Variants in NALF1 observed in about 807,000 individuals in gnomAD.
NALF1 encodes the protein NALCN channel auxiliary factor 1.
Under a neutral mutation model 48.4 loss-of-function variants are expected in NALF1, and 3 were observed. The observed-to-expected ratio is 0.06, with a 90% CI of 0.03 to 0.16. The LOEUF is 0.16. NALF1 is among the 10% of genes least tolerant of loss of function. The pLI, the probability that NALF1 is intolerant of heterozygous loss-of-function variation, is 1.00. For synonymous variants in NALF1, 262 were observed against 245.7 expected (o/e 1.07, Z -0.62); for missense variants, 526 against 571.5 (o/e 0.92, Z 0.81).
Position 107,260,644 on chromosome 13 carries a change from A to G in NALF1, c.916-49889T>C, listed in dbSNP as rs577583356. ...ATTGGCTTATTTAGGATAACTTAGC[A>G]GGTCATGAAAATGTTCCTTCTCTCC... On this transcript the variant is annotated intron_variant, in intron 1 of 2. Transcript: ENST00000375915. Among the ~76,000 whole-genome samples the G allele has an allele frequency of 2.6e-5, 4 of 152,314 alleles. No individual in the cohort carries two copies. In the East Asian group the frequency reaches 7.7e-4, roughly 29 times the overall value.
At chr13:107,269,066 G>A (rs1881101353) in intron 1 of NALF1, among the ~76,000 whole-genome samples, 1 of 151,922 alleles carries the variant, frequency 6.6e-6, no homozygotes, top group Admixed American at 6.6e-5. Context: ...GGGAGGCTGA[G>A]GTGGGAGGAT....
chr13:107,461,181 A>G (rs115365302), intron 1 of NALF1, among the ~76,000 whole-genome samples: 2,356 of 152,300 alleles, frequency 0.015, 59 homozygotes, highest in African/African-American at 0.053. Context: ...ATTTATCATT[A>G]AAAATTATAA....
intron 1 of NALF1, among the ~76,000 whole-genome samples, chr13:107,225,079 G>A (rs1273034133): frequency 6.6e-6 from 1 of 152,086 alleles, no homozygotes; most frequent in Non-Finnish European, 1.5e-5. Flanking sequence ...CACAATCTCG[G>A]CTCACTGCAA....
At chr13:107,537,356 A>T (rs1182394195) in intron 1 of NALF1, among the ~76,000 whole-genome samples, 2 of 152,174 alleles carry the variant, frequency 1.3e-5, no homozygotes, top group African/African-American at 4.8e-5. Context: ...GTAATATTTG[A>T]TTAATATTTA....
chr13:107,288,082 G>A (rs1201736792), intron 1 of NALF1, among the ~76,000 whole-genome samples: 1 of 151,740 alleles, frequency 6.6e-6, no homozygotes, highest in Non-Finnish European at 1.5e-5. Flanking sequence ...CCTTATTTTA[G>A]TTATTAAAAA....
intron 1 of NALF1, among the ~76,000 whole-genome samples, chr13:107,438,110 A>T (rs564673813): frequency 2.3e-4 from 35 of 152,346 alleles, no homozygotes; most frequent in African/African-American, 8.4e-4. Flanking sequence ...TTTAAAAATT[A>T]TAAACCTTGA....
Position 107,866,618 on chromosome 13 carries a change from G to GGCC in NALF1, c.-25_-23dup. The GGCC allele has an allele frequency of 6.3e-7, 1 of 1,578,270 alleles. No individual in the cohort carries two copies. The highest frequency in any genetic ancestry group is 1.8e-5 in the Admixed American group (1 of 56,674). ...TCATATTTTGGGAACGCACAGCCCT[G>GGCC]GCCGACTCCACCGTGAGGGCGCCTG... On this transcript the variant is annotated 5_prime_UTR_variant, in exon 1 of 3. Coordinates refer to ENST00000375915, the MANE Select transcript of NALF1 (RefSeq NM_001080396.3). The surrounding 1 kb of genome is among the most constrained non-coding windows in gnomAD (Gnocchi z 4.4).
At chr13:107,513,703 C>T (rs886334637) in intron 1 of NALF1, among the ~76,000 whole-genome samples, 4 of 152,116 alleles carry the variant, frequency 2.6e-5, no homozygotes, top group African/African-American at 9.7e-5. Context: ...GGCAGGTCTT[C>T]CAGGAGAATG....
intron 1 of NALF1, among the ~76,000 whole-genome samples, chr13:107,862,537 A>G (rs1880601704): frequency 6.6e-6 from 1 of 152,064 alleles, no homozygotes; most frequent in Admixed American, 6.5e-5. Context: ...TATTAATGAT[A>G]TAGTCAACAT....
chr13:107,426,930 T>A (rs925647387), intron 1 of NALF1, among the ~76,000 whole-genome samples: 1 of 152,098 alleles, frequency 6.6e-6, no homozygotes, highest in African/African-American at 2.4e-5. Context: ...TTAAAATGAA[T>A]AATTGTAAAA....
chr13:107,851,459 T>C (rs556518000), intron 1 of NALF1, among the ~76,000 whole-genome samples: 1 of 152,166 alleles, frequency 6.6e-6, no homozygotes, highest in African/African-American at 2.4e-5. Context: ...TAAAGAAACA[T>C]GTACAAATAA....
chr13:107,598,993 A>C (rs1878838268), intron 1 of NALF1, among the ~76,000 whole-genome samples: 1 of 152,198 alleles, frequency 6.6e-6, no homozygotes, highest in Non-Finnish European at 1.5e-5. Context: ...ACATTTATCA[A>C]ATTAAGGAAT....
intron 1 of NALF1, among the ~76,000 whole-genome samples, chr13:107,322,846 T>C (rs1882283363): frequency 6.6e-6 from 1 of 152,120 alleles, no homozygotes; most frequent in Non-Finnish European, 1.5e-5. Context: ...CCCAATACGA[T>C]GTCATTTCTG....
chr13:107,752,010 T>G (rs1346622049), intron 1 of NALF1, among the ~76,000 whole-genome samples: 1 of 152,082 alleles, frequency 6.6e-6, no homozygotes, highest in East Asian at 1.9e-4. Flanking sequence ...ATATTAATAT[T>G]TATATTAATG....
intron 1 of NALF1, among the ~76,000 whole-genome samples, chr13:107,510,918 T>C (rs1594102331): frequency 6.6e-6 from 1 of 152,202 alleles, no homozygotes; most frequent in Non-Finnish European, 1.5e-5. Flanking sequence ...AAATAAGATT[T>C]ATTAAGATTC....
intron 1 of NALF1, among the ~76,000 whole-genome samples, chr13:107,257,047 G>A (rs61965520): frequency 1.4e-4 from 21 of 152,148 alleles, no homozygotes; most frequent in Admixed American, 5.9e-4. Flanking sequence ...AAATTACGGC[G>A]GAAGGGGAGG....
chr13:107,446,405 T>TCACACACA (rs34962012), intron 1 of NALF1, among the ~76,000 whole-genome samples: 11,090 of 145,966 alleles, frequency 0.076, 419 homozygotes, highest in Middle Eastern at 0.13. Context: ...ATAATTAAAT[T>TCACACACA]CACACACACA....
chr13:107,493,608 G>T (rs1875221381), intron 1 of NALF1, among the ~76,000 whole-genome samples: 1 of 152,150 alleles, frequency 6.6e-6, no homozygotes, highest in Non-Finnish European at 1.5e-5. Context: ...TTCTGGCCAG[G>T]TGCAGTGACT....
intron 1 of NALF1, among the ~76,000 whole-genome samples, chr13:107,380,801 A>AC (rs956616078): frequency 1.3e-5 from 2 of 151,604 alleles, no homozygotes; most frequent in Non-Finnish European, 2.9e-5. Context: ...ACACGGTGAG[A>AC]CCCCGTCTCT....
Sources: allele counts gnomAD v4.1 joint callset (sites outside exome capture counted in the v4.1 genomes callset), GRCh38; gene constraint gnomAD v4.1.1; non-coding constraint Gnocchi (gnomAD v3.1); transcripts MANE v1.5; gene names NCBI Gene and HGNC (gene_info 2026-07-23, HGNC 2026-07-21).